TIGD6: variants seen among roughly 807,000 people sequenced by gnomAD.
The protein encoded by TIGD6 is tigger transposable element derived 6.
Under a neutral mutation model 2.6 loss-of-function variants are expected in TIGD6, and 1 was observed. That is an observed-to-expected ratio of 0.39 (90% CI 0.14 to 1.85). The LOEUF (loss-of-function observed/expected upper bound fraction) is 1.85. Among genes scored for constraint, TIGD6 ranks in the 40% most tolerant of loss-of-function variants. The pLI is 0.32. For missense variants in TIGD6, 601 were observed against 634.2 expected, an observed-to-expected ratio of 0.95 and a Z score of 0.56; for synonymous variants, 193 against 221.9, an observed-to-expected ratio of 0.87 and a Z score of 1.16.
At position 149,995,007 on chromosome 5, in the gene TIGD6, C is replaced by T. The variant is rs770458580; in HGVS notation, c.1342G>A (p.Ala448Thr). ...ACCTCCCCTTCATCTTCACTTCCTG[C>T]TTCACTGGTATTTTCGCCAGCCACC... Reference protein sequence around the residue: ...DMVAGENTSEAGSEDEGEVSL... With the variant: ...DMVAGENTSETGSEDEGEVSL... Residue 448 changes from alanine (A) to threonine (T), a missense_variant, in exon 2 of 2, where the codon GCA becomes ACA. Ala to Thr is a moderately conservative substitution (Grantham distance 58, BLOSUM62 0). Coordinates refer to ENST00000296736, the MANE Select transcript of TIGD6 (RefSeq NM_030953.4). 3.1e-6 allele frequency: 5 copies of T among 1,613,974 alleles called. No individual in the cohort carries two copies. The highest frequency in any genetic ancestry group is 4.2e-6 in the Non-Finnish European group (5 of 1,179,954).
Position 149,995,276 on chromosome 5 carries a change from G to A in TIGD6, c.1073C>T (p.Ala358Val), listed in dbSNP as rs1434534374. ...GGATGGCTTGACTGACCACCACGCT[G>A]CAGCAATCATGTCGATGGCCTGCTT... ...DIKQAIDMIA[A>V]AWWSVKPSTV... The change falls in exon 2 of 2, where the codon GCA becomes GTA. Residue 358 changes from alanine to valine, a missense_variant. Coordinates refer to ENST00000296736, the MANE Select transcript of TIGD6 (RefSeq NM_030953.4). 1.2e-6 allele frequency: 2 copies of A among 1,613,796 alleles called. No individual in the cohort carries two copies. The highest frequency in any genetic ancestry group is 1.7e-6 in the Non-Finnish European group (2 of 1,179,936).
chr5:149,998,737 T>C (rs1755459027), intron 1 of TIGD6, among the ~76,000 whole-genome samples: 1 of 152,192 alleles, frequency 6.6e-6, no homozygotes, highest in Admixed American at 6.5e-5. Context: ...TACTATCACC[T>C]CCATACATGT....
At chr5:149,999,492 G>T (rs1417445280) in intron 1 of TIGD6, among the ~76,000 whole-genome samples, 1 of 152,050 alleles carries the variant, frequency 6.6e-6, no homozygotes, top group Non-Finnish European at 1.5e-5. Flanking sequence ...GAGATGGTGA[G>T]TAGTAGTCAG....
At position 149,996,415 on chromosome 5, in the gene TIGD6, C is replaced by T; in HGVS notation, c.-67G>A. On this transcript the variant is annotated 5_prime_UTR_variant, in exon 2 of 2. Transcript: ENST00000296736. ...GGTTCCTCCTCGCGGCTTGCTTTGC[C>T]CCAAGTGTGGAAAGCTGAGAAGACA... The T allele has an allele frequency of 6.6e-7, 1 of 1,516,510 alleles. No individual in the cohort carries two copies. The highest frequency in any genetic ancestry group is 8.8e-7 in the Non-Finnish European group (1 of 1,135,302). 93.9% of individuals were successfully genotyped at this position (1,516,510 alleles called of 1,614,324 possible).
At position 149,994,577 on chromosome 5, in the gene TIGD6, C is replaced by A. The variant is rs898168747; in HGVS notation, c.*206G>T. ...GGAAACCCTTGGATGAATCAAAATA[C>A]ATCTTGAATCAAGGACCAGAGACAG... On this transcript the variant is annotated 3_prime_UTR_variant, in exon 2 of 2. Coordinates refer to ENST00000296736, the MANE Select transcript of TIGD6 (RefSeq NM_030953.4). 7 of 431,154 alleles carry A rather than the reference C, an allele frequency of 1.6e-5. No individual in the cohort carries two copies. The highest frequency in any genetic ancestry group is 2.8e-5 in the Non-Finnish European group (7 of 252,400). The allele number at this position is 431,154 out of a possible 1,614,324, so 26.7% of individuals were successfully genotyped here. A position where few individuals can be genotyped will look rare whatever the true frequency, so the allele number is the denominator to read the frequency against.
In TIGD6 at chr5:149,996,283, T is replaced by A. The variant is rs1328488972; in HGVS notation, c.66A>T (p.Gly22=). 1 of 1,613,896 alleles carries A rather than the reference T, an allele frequency of 6.2e-7. No homozygotes were observed. Among genetic ancestry groups the A allele is most frequent in the East Asian group, 2.2e-5 (1 of 44,888 alleles). The change falls in exon 2 of 2, where the codon GGA becomes GGT. Residue 22 remains glycine (G), a synonymous_variant. Coordinates refer to ENST00000296736, the MANE Select transcript of TIGD6 (RefSeq NM_030953.4). ...FSLEEKMKVV[G]AVDSGKRKGD... ...CTTTCCTCTTGCCTGAGTCTACAGC[T>A]CCCACAACTTTCATTTTCTCCTCCA... is the stretch of plus-strand genomic sequence containing the variant.
chr5:149,993,307 T>C lies in TIGD6; in HGVS notation c.*1476A>G. 1 of 152,192 alleles carries C rather than the reference T, an allele frequency of 6.6e-6. No individual in the cohort carries two copies. The highest frequency in any genetic ancestry group is 1.9e-4 in the East Asian group (1 of 5,200). The allele number at this position is 152,192 out of a possible 1,614,324, so 9.4% of individuals were successfully genotyped here. A position where few individuals can be genotyped will look rare whatever the true frequency, so the allele number is the denominator to read the frequency against. ...ACAAAAAGAAAAATCACTGAATTGC[T>C]ATGGGTTTCTGAAATATCCAAAAAA... On this transcript the variant is annotated 3_prime_UTR_variant, in exon 2 of 2. Transcript: ENST00000296736.
rs1415939315 is a variant in TIGD6, at chr5:149,994,661, C to T, written c.*122G>A. ...GTCAAATTCCATTCAAAGAAGTTTC[C>T]TGGCTATTTCAGAGTACTGGAATGT... On this transcript the variant is annotated 3_prime_UTR_variant, in exon 2 of 2. Coordinates refer to ENST00000296736, the MANE Select transcript of TIGD6 (RefSeq NM_030953.4). 1 of 960,932 alleles carries T rather than the reference C, an allele frequency of 1.0e-6. No individual in the cohort carries two copies. Among genetic ancestry groups the T allele is most frequent in the African/African-American group, 1.7e-5 (1 of 59,120 alleles). The allele number at this position is 960,932 out of a possible 1,614,324, so 59.5% of individuals were successfully genotyped here. A position where few individuals can be genotyped will look rare whatever the true frequency, so the allele number is the denominator to read the frequency against.
rs1380822961 is a variant in TIGD6, at chr5:149,996,222, T to C, written c.127A>G (p.Thr43Ala). 6.2e-7 allele frequency: 1 copy of C among 1,614,104 alleles called. No individual in the cohort carries two copies. The highest frequency in any genetic ancestry group is 1.3e-5 in the African/African-American group (1 of 74,932). Reference sequence around the variant, plus strand: ...CGATCCTTTAAGAATGTAGATAAAGTAGAGGGAGTGATACCAAATTCTTTT... The same window carrying C: ...CGATCCTTTAAGAATGTAGATAAAGCAGAGGGAGTGATACCAAATTCTTTT... ...VAKEFGITPS[T>A]LSTFLKDRTK... is the part of the protein sequence containing the mutation. Residue 43 changes from threonine to alanine, a missense_variant, in exon 2 of 2, where the codon ACT (threonine) becomes GCT (alanine). Transcript: ENST00000296736.
intron 1 of TIGD6, among the ~76,000 whole-genome samples, chr5:149,998,862 C>T (rs11745580): frequency 0.12 from 18,161 of 152,204 alleles, 1,312 homozygotes; most frequent in Admixed American, 0.26. Context: ...AAGACAAACA[C>T]TAGAGCATGT....
At chr5:149,999,367 A>G (rs1194740968) in intron 1 of TIGD6, among the ~76,000 whole-genome samples, 1 of 152,200 alleles carries the variant, frequency 6.6e-6, no homozygotes, top group Non-Finnish European at 1.5e-5. Context: ...ATAGGAAGCT[A>G]TTGAAGGATT....
chr5:149,998,165 T>C (rs1242789002), intron 1 of TIGD6, among the ~76,000 whole-genome samples: 1 of 152,028 alleles, frequency 6.6e-6, no homozygotes, highest in Admixed American at 6.5e-5. Context: ...TGGTAAAGAA[T>C]TGGTATTTTG....
chr5:149,994,928 T>C lies in TIGD6; in HGVS notation c.1421A>G (p.Gln474Arg), dbSNP rs765181424. 3 of 1,612,722 alleles carry C rather than the reference T, an allele frequency of 1.9e-6. No individual in the cohort carries two copies. Among genetic ancestry groups the C allele is most frequent in the South Asian group, 2.2e-5 (2 of 90,920 alleles). The change falls in exon 2 of 2, where the codon CAG becomes CGG. Residue 474 changes from glutamine (Q) to arginine (R), a missense_variant. By Grantham distance (43) the Gln-to-Arg change is conservative. Coordinates refer to ENST00000296736, the MANE Select transcript of TIGD6 (RefSeq NM_030953.4). ...VTITEAISSV[Q>R]KLRQFLSTCV... The stretch of plus-strand genomic sequence containing the variant: ...AGTGGAAAGGAACTGTCTAAGTTTC[T>C]GTACACTTGATATGGCTTCTGTGAT...
At chr5:149,996,631 T>G (rs1244206080) in intron 1 of TIGD6, among the ~76,000 whole-genome samples, 1 of 152,254 alleles carries the variant, frequency 6.6e-6, no homozygotes, top group Admixed American at 6.5e-5. Flanking sequence ...TCTAGCTTAC[T>G]TAAACATTCT....
At chr5:149,998,561 TAA>T (rs1755454064) in intron 1 of TIGD6, among the ~76,000 whole-genome samples, 1 of 152,320 alleles carries the variant, frequency 6.6e-6, no homozygotes, top group East Asian at 1.9e-4. Context: ...ATTCAGAATT[TAA>T]AACAAACAGT....
chr5:150,000,232 T>C (rs1755508088), intron 1 of TIGD6: 1 of 154,358 alleles, frequency 6.5e-6, no homozygotes, highest in Non-Finnish European at 1.5e-5. Flanking sequence ...TCACTATTCG[T>C]GGGCCAGTGG....
chr5:149,996,517 G>T, intron 1 of TIGD6, 88 bp from the exon 2 acceptor site: 2 of 960,742 alleles, frequency 2.1e-6, no homozygotes, highest in Non-Finnish European at 3.0e-6. Flanking sequence ...TATTAGGAAA[G>T]GACAATTTAC....
intron 1 of TIGD6, among the ~76,000 whole-genome samples, chr5:149,997,970 T>G (rs145060437): frequency 6.6e-6 from 1 of 150,406 alleles, no homozygotes; most frequent in Non-Finnish European, 1.5e-5. Context: ...CAAAAAAAAA[T>G]AAATAAATAA....
At position 149,995,212 on chromosome 5, in the gene TIGD6, AGG is replaced by A. The variant is rs577127056; in HGVS notation, c.1135_1136del (p.Pro379TyrfsTer7). 1.7e-4 allele frequency: 275 copies of A among 1,614,252 alleles called. 3 individuals carry two copies. The South Asian group carries it at 3.0e-3, about 17-fold the overall frequency. The part of the protein sequence containing the change: ...VKCWQKAGIV[P>X]MEFAECDTES... ...CTGTGTCACATTCTGCAAATTCCAT[AGG>A]GACGATGCCTGCCTTCTGCCAACAT... On this transcript the variant is annotated frameshift_variant, in exon 2 of 2. Coordinates refer to ENST00000296736, the MANE Select transcript of TIGD6 (RefSeq NM_030953.4). LOFTEE classifies it low-confidence loss of function (END_TRUNC).
Sources: allele counts gnomAD v4.1 joint callset (sites outside exome capture counted in the v4.1 genomes callset), GRCh38; gene constraint gnomAD v4.1.1; transcripts MANE v1.5; gene names NCBI Gene and HGNC (gene_info 2026-07-23, HGNC 2026-07-21).